Variants in YWHAZ observed in about 807,000 individuals in gnomAD.
The protein encoded by YWHAZ is tyrosine 3-monooxygenase/tryptophan 5-monooxygenase activation protein zeta, also known as 14-3-3 protein zeta/delta.
For missense variants in YWHAZ, 79 were observed against 284.8 expected (o/e 0.28, Z 5.20); for synonymous variants, 87 against 103.6 (o/e 0.84, Z 0.97).
Position 100,918,908 on chromosome 8 carries a change from T to C in YWHAZ, c.*1785A>G, listed in dbSNP as rs1472115754. The C allele has an allele frequency of 6.6e-6, 1 of 152,588 alleles. No homozygotes were observed. Among genetic ancestry groups the C allele is most frequent in the Non-Finnish European group, 1.5e-5 (1 of 68,034 alleles). 9.5% of individuals were successfully genotyped at this position (152,588 alleles called of 1,614,324 possible). ...AGGAAATATTTTGTAAAGTGAGCTT[T>C]GGGTATAACTTAGCCCCATCATTAT... On this transcript the variant is annotated 3_prime_UTR_variant, in exon 6 of 6. Coordinates refer to ENST00000395958, the MANE Select transcript of YWHAZ (RefSeq NM_145690.3).
At chr8:100,949,026 G>T in intron 1 of YWHAZ, 126 bp from the exon 2 acceptor site, 2 of 1,152,052 alleles carry the variant, frequency 1.7e-6, no homozygotes, top group Non-Finnish European at 2.4e-6. Flanking sequence ...CTGTTCACAT[G>T]AGGAATTAAA....
intron 1 of YWHAZ, chr8:100,951,634 G>T (rs930247724): frequency 4.7e-5 from 46 of 985,158 alleles, no homozygotes; most frequent in Admixed American, 1.8e-4. Context: ...GAGATCCCCA[G>T]GGATCTCGCG....
At chr8:100,951,426 G>A (rs1810766805) in intron 1 of YWHAZ, 1 of 981,062 alleles carries the variant, frequency 1.0e-6, no homozygotes, top group Non-Finnish European at 1.2e-6. Context: ...GGAGGGGGCG[G>A]CCGAGGGAGA....
At chr8:100,928,061 C>T (rs552170021) in intron 2 of YWHAZ, among the ~76,000 whole-genome samples, 224 of 152,120 alleles carry the variant, frequency 1.5e-3, no homozygotes, top group African/African-American at 5.1e-3. Flanking sequence ...GGGCGGATCA[C>T]GAGGTCAGGA....
Position 100,918,444 on chromosome 8 carries a change from A to ATATATATATATATATATATATATATATAT in YWHAZ, c.*2248_*2249insATATATATATATATATATATATATATATA, listed in dbSNP as rs57486163. On this transcript the variant is annotated 3_prime_UTR_variant, in exon 6 of 6. Coordinates refer to ENST00000395958, the MANE Select transcript of YWHAZ (RefSeq NM_145690.3). ...TATATATATATATATATATATATATAATTATTTTACCTCCTTGGCTTGGGG... is the reference window on the plus strand; with the variant it reads ...TATATATATATATATATATATATATATATATATATATATATATATATATATATATATTATTTTACCTCCTTGGCTTGGGG... The ATATATATATATATATATATATATATATAT allele has an allele frequency of 3.7e-5, 4 of 108,818 alleles. No individual in the cohort carries two copies. The highest frequency in any genetic ancestry group is 3.3e-4 in the East Asian group (1 of 3,008). 6.7% of individuals were successfully genotyped at this position (108,818 alleles called of 1,614,324 possible).
chr8:100,932,751 T>A (rs981425318), intron 2 of YWHAZ, among the ~76,000 whole-genome samples: 1 of 152,186 alleles, frequency 6.6e-6, no homozygotes, highest in African/African-American at 2.4e-5. Context: ...ATCTCACAAT[T>A]CAAATAACTG....
chr8:100,918,443 T>TATATATATATAAAAA lies in YWHAZ; in HGVS notation c.*2249_*2250insTTTTTATATATATAT, dbSNP rs1417316114. The TATATATATATAAAAA allele has an allele frequency of 3.4e-5, 4 of 117,072 alleles. No homozygotes were observed. The highest frequency in any genetic ancestry group is 1.4e-4 in the African/African-American group (4 of 29,618). The allele number at this position is 117,072 out of a possible 1,614,324, so 7.3% of individuals were successfully genotyped here. On this transcript the variant is annotated 3_prime_UTR_variant, in exon 6 of 6. Transcript: ENST00000395958. Reference sequence around the variant, plus strand: ...ATATATATATATATATATATATATATAATTATTTTACCTCCTTGGCTTGGG... The same window carrying TATATATATATAAAAA: ...ATATATATATATATATATATATATATATATATATATAAAAAAATTATTTTACCTCCTTGGCTTGGG...
At chr8:100,926,954 A>AT (rs1196085499) in intron 2 of YWHAZ, among the ~76,000 whole-genome samples, 1 of 152,234 alleles carries the variant, frequency 6.6e-6, no homozygotes, top group Non-Finnish European at 1.5e-5. Flanking sequence ...TGGTATAAAC[A>AT]TAAGTGGCTT....
rs1813199884 is a variant in YWHAZ, at chr8:100,923,976, T to C, written c.657A>G (p.Gln219=). 2 of 1,612,520 alleles carry C rather than the reference T, an allele frequency of 1.2e-6. No individual in the cohort carries two copies. Among genetic ancestry groups the C allele is most frequent in the Non-Finnish European group, 1.7e-6 (2 of 1,179,544 alleles). ...TTACTGTCAAGTTGTCTCTCAGTAA[T>C]TGCATTATTAGCGTGCTGTCTTTGT... is the stretch of plus-strand genomic sequence containing the variant. ...ESYKDSTLIM[Q]LLRDNLTLWT... Residue 219 remains glutamine, a synonymous_variant, in exon 5 of 6, where the codon CAA becomes CAG. Coordinates refer to ENST00000395958, the MANE Select transcript of YWHAZ (RefSeq NM_145690.3).
chr8:100,935,630 C>CA (rs1209926805), intron 2 of YWHAZ, among the ~76,000 whole-genome samples: 32 of 152,186 alleles, frequency 2.1e-4, no homozygotes, highest in African/African-American at 7.5e-4. Context: ...GGATAAGCTC[C>CA]AGGTTTCTAT....
chr8:100,940,231 C>G (rs529688299), intron 2 of YWHAZ, among the ~76,000 whole-genome samples: 2 of 152,260 alleles, frequency 1.3e-5, no homozygotes, highest in African/African-American at 2.4e-5. Context: ...TCTCACAAAC[C>G]AAGGCCCAAT....
intron 2 of YWHAZ, among the ~76,000 whole-genome samples, chr8:100,936,711 G>C (rs1171428587): frequency 1.3e-5 from 2 of 152,126 alleles, no homozygotes; most frequent in African/African-American, 4.8e-5. Context: ...TGAGGCAGGT[G>C]AATCGCTTGA....
intron 5 of YWHAZ, 48 bp from the exon 6 acceptor site, chr8:100,920,800 G>GC (rs1554612441): frequency 3.2e-6 from 3 of 950,362 alleles, no homozygotes; most frequent in African/African-American, 1.7e-5. Flanking sequence ...TGGGATGGGG[G>GC]GGGGGGGGCG....
intron 2 of YWHAZ, among the ~76,000 whole-genome samples, chr8:100,930,349 A>G (rs1314074543): frequency 2.0e-5 from 3 of 152,136 alleles, no homozygotes; most frequent in African/African-American, 7.2e-5. Flanking sequence ...CACCTGCCTC[A>G]GCCTCCCAAA....
upstream of YWHAZ, chr8:100,952,911 C>A (rs1052390716): frequency 7.6e-5 from 76 of 1,000,454 alleles, no homozygotes; most frequent in African/African-American, 1.3e-3. Context: ...GTGAGGCGTC[C>A]AGCCCCTGAG....
chr8:100,927,983 A>G (rs1813479345), intron 2 of YWHAZ, among the ~76,000 whole-genome samples: 1 of 152,236 alleles, frequency 6.6e-6, no homozygotes, highest in South Asian at 2.1e-4. Context: ...GCTGACCATA[A>G]GAGTTGAGAA....
In YWHAZ at chr8:100,922,647, G is replaced by A. The variant is rs927938953; in HGVS notation, c.678+1308C>T. The A allele has an allele frequency of 6.6e-6, 1 of 152,480 alleles. No individual in the cohort carries two copies. Among genetic ancestry groups the A allele is most frequent in the Admixed American group, 6.5e-5 (1 of 15,308 alleles). 9.4% of individuals were successfully genotyped at this position (152,480 alleles called of 1,614,324 possible). ...GATCCGCCCGCCTCGGCCTCCCAAA[G>A]TGCTGGGATTACAGGCGTGAGCCAC... On this transcript the variant is annotated intron_variant, in intron 5 of 5. Transcript: ENST00000395958. The surrounding 1 kb of genome is among the most constrained non-coding windows in gnomAD (Gnocchi z 4.1).
chr8:100,924,911 C>T lies in YWHAZ; in HGVS notation c.418+5G>A. 1 of 1,611,870 alleles carries T rather than the reference C, an allele frequency of 6.2e-7. No homozygotes were observed. Among genetic ancestry groups the T allele is most frequent in the Non-Finnish European group, 8.5e-7 (1 of 1,179,696 alleles). The stretch of plus-strand genomic sequence containing the variant: ...GTTCAACCAACAGGTTTAAAAACAG[C>T]ATACCTTTCTTGTCATCACCAGCGG... On this transcript the variant is annotated splice_donor_5th_base_variant and intron_variant, in intron 3 of 5. Coordinates refer to ENST00000395958, the MANE Select transcript of YWHAZ (RefSeq NM_145690.3). This position sits in a 1 kb window ranked among gnomAD's most constrained non-coding sequence, Gnocchi z 5.7.
intron 2 of YWHAZ, among the ~76,000 whole-genome samples, chr8:100,933,285 G>C (rs1813885619): frequency 6.6e-6 from 1 of 152,036 alleles, no homozygotes; most frequent in Admixed American, 6.5e-5. Flanking sequence ...CTTGAACCTG[G>C]GAGGTGGATG....
Sources: gnomAD v4.1 joint callset for allele counts (sites outside exome capture counted in the v4.1 genomes callset) on GRCh38, gnomAD v4.1.1 for gene constraint, Gnocchi (gnomAD v3.1) non-coding constraint, MANE v1.5 for transcripts, NCBI Gene and HGNC (gene_info 2026-07-23, HGNC 2026-07-21) for gene names.